The following FERRY3 variants were observed in gnomAD, a reference collection of about 807,000 sequenced individuals.
FERRY3 encodes the protein protein C12orf4.
the FERRY3 span, chr12:4,490,396 TAAAA>T: frequency 3.0e-6 from 2 of 665,572 alleles, no homozygotes; most frequent in Non-Finnish European, 4.8e-6. Context: ...CTTCTCTCCT[TAAAA>T]AACAGAAAGC....
the FERRY3 span, chr12:4,509,304 G>C: frequency 5.7e-6 from 1 of 176,032 alleles, no homozygotes; most frequent in Non-Finnish European, 1.1e-5. Flanking sequence ...ACTGCAAGGC[G>C]GCAGCGAGGC....
At chr12:4,527,434 G>T in the FERRY3 span, among the ~76,000 whole-genome samples, 1 of 152,104 alleles carries the variant, frequency 6.6e-6, no homozygotes, top group East Asian at 1.9e-4. Context: ...CAGTATGTGA[G>T]ATGTGACAAC....
At chr12:4,519,400 C>CT in the FERRY3 span, among the ~76,000 whole-genome samples, 1 of 152,162 alleles carries the variant, frequency 6.6e-6, no homozygotes, top group Non-Finnish European at 1.5e-5. This position sits in a 1 kb window ranked among gnomAD's most constrained non-coding sequence, Gnocchi z 4.3. Flanking sequence ...CCAACATTCT[C>CT]CTCCCACTAA....
chr12:4,498,662 T>C, the FERRY3 span, among the ~76,000 whole-genome samples: 1 of 152,152 alleles, frequency 6.6e-6, no homozygotes, highest in East Asian at 1.9e-4. Context: ...TGTGTTTATA[T>C]AGCAGCAGGC....
At chr12:4,529,504 T>C in the FERRY3 span, among the ~76,000 whole-genome samples, 1 of 152,134 alleles carries the variant, frequency 6.6e-6, no homozygotes, top group African/African-American at 2.4e-5. Flanking sequence ...TCTTCATCTG[T>C]AAAATGGAAA....
chr12:4,494,267 T>C, the FERRY3 span, among the ~76,000 whole-genome samples: 1 of 152,132 alleles, frequency 6.6e-6, no homozygotes, highest in Non-Finnish European at 1.5e-5. Context: ...GCGAATTGCT[T>C]ATGTGACAGC....
chr12:4,528,860 T>C, the FERRY3 span, among the ~76,000 whole-genome samples: 2 of 151,624 alleles, frequency 1.3e-5, no homozygotes, highest in African/African-American at 4.8e-5. Context: ...CCAGCACATC[T>C]TTTTAAATTT....
At chr12:4,525,382 G>C in the FERRY3 span, 9 of 1,612,274 alleles carry the variant, frequency 5.6e-6, no homozygotes, top group East Asian at 1.8e-4. Flanking sequence ...GGTCCTAAAA[G>C]AAACAGTATA....
At chr12:4,530,338 G>A in the FERRY3 span, among the ~76,000 whole-genome samples, 24 of 152,286 alleles carry the variant, frequency 1.6e-4, no homozygotes, top group African/African-American at 5.5e-4. Flanking sequence ...CACAATAAAA[G>A]CTTATGCTGT....
chr12:4,516,942 T>TA, the FERRY3 span: 8,843 of 982,864 alleles, frequency 9.0e-3, 532 homozygotes, highest in African/African-American at 0.13. Flanking sequence ...AAAAAAATCT[T>TA]AATTTTGTTT....
At chr12:4,502,581 G>T in the FERRY3 span, 20 of 349,266 alleles carry the variant, frequency 5.7e-5, no homozygotes, top group Non-Finnish European at 8.3e-5. The surrounding 1 kb of genome is among the most constrained non-coding windows in gnomAD (Gnocchi z 4.2). Context: ...TCTAGGAAAG[G>T]TCTGCGTATC....
At chr12:4,520,103 G>C in the FERRY3 span, among the ~76,000 whole-genome samples, 2 of 152,188 alleles carry the variant, frequency 1.3e-5, no homozygotes, top group African/African-American at 4.8e-5. Context: ...ATACAAGGGG[G>C]TAAAAAGAAA....
the FERRY3 span, among the ~76,000 whole-genome samples, chr12:4,495,162 G>A: frequency 6.6e-6 from 1 of 151,224 alleles, no homozygotes; most frequent in Admixed American, 6.6e-5. Flanking sequence ...AGTTGTTTCT[G>A]CTGATTCTCA....
At chr12:4,494,923 A>G in the FERRY3 span, among the ~76,000 whole-genome samples, 2 of 152,242 alleles carry the variant, frequency 1.3e-5, no homozygotes, top group African/African-American at 2.4e-5. Context: ...TATCTTGACA[A>G]TATTGAGTGT....
chr12:4,514,440 T>C, the FERRY3 span, among the ~76,000 whole-genome samples: 1 of 152,158 alleles, frequency 6.6e-6, no homozygotes, highest in Non-Finnish European at 1.5e-5. Flanking sequence ...TAAAGACACA[T>C]GCACACGTAT....
the FERRY3 span, among the ~76,000 whole-genome samples, chr12:4,490,907 T>C: frequency 6.6e-6 from 1 of 152,288 alleles, no homozygotes; most frequent in Admixed American, 6.5e-5. Flanking sequence ...TTTTTTCTTT[T>C]TAAGAGAATA....
At chr12:4,507,383 C>T in the FERRY3 span, among the ~76,000 whole-genome samples, 1 of 152,108 alleles carries the variant, frequency 6.6e-6, no homozygotes, top group Non-Finnish European at 1.5e-5. Context: ...TTTTCTAATA[C>T]TCAGCTGGCT....
the FERRY3 span, among the ~76,000 whole-genome samples, chr12:4,521,009 A>G: frequency 6.6e-6 from 1 of 152,198 alleles, no homozygotes; most frequent in Non-Finnish European, 1.5e-5. Flanking sequence ...CATAAATACT[A>G]TTAACCTCAG....
At chr12:4,505,851 T>C in the FERRY3 span, among the ~76,000 whole-genome samples, 6 of 152,202 alleles carry the variant, frequency 3.9e-5, no homozygotes, top group African/African-American at 1.4e-4. Context: ...CTGTTGTTGA[T>C]ATAACTTGTT....
Sources: allele counts gnomAD v4.1 joint callset (sites outside exome capture counted in the v4.1 genomes callset), GRCh38; gene constraint gnomAD v4.1.1; non-coding constraint Gnocchi (gnomAD v3.1); transcripts MANE v1.5; gene names NCBI Gene and HGNC (gene_info 2026-07-23, HGNC 2026-07-21).